GSE1: variants seen among roughly 807,000 people sequenced by gnomAD.
The protein encoded by GSE1 is genetic suppressor element 1.
In GSE1, 32 loss-of-function variants were observed where a neutral mutation model predicts 112.6. The ratio of observed to expected loss-of-function variants is 0.28; its 90% CI spans 0.21 to 0.38. The LOEUF (loss-of-function observed/expected upper bound fraction) is 0.38, where lower values mean the gene tolerates loss of function less well. Among genes scored for constraint, GSE1 ranks in the 10% least tolerant of loss-of-function variants. The pLI is 1.00. For missense variants in GSE1, 2,348 were observed against 1,699.2 expected, an observed-to-expected ratio of 1.38 and a Z score of -6.71; for synonymous variants, 1,115 against 735.6, an observed-to-expected ratio of 1.52 and a Z score of -8.35.
intron 1 of GSE1, chr16:85,357,447 C>A (rs2046973201): frequency 1.7e-6 from 2 of 1,204,718 alleles, no homozygotes; most frequent in Admixed American, 6.0e-5. Context: ...ACTGTGTCCA[C>A]CTCTTTTCCT....
chr16:85,479,908 T>C (rs2050618868), intron 2 of GSE1, among the ~76,000 whole-genome samples: 1 of 152,150 alleles, frequency 6.6e-6, no homozygotes, highest in Non-Finnish European at 1.5e-5. Flanking sequence ...CATCGAGGTT[T>C]GTTTTCTCCT....
chr16:85,494,355 C>T (rs1019010220), intron 2 of GSE1, among the ~76,000 whole-genome samples: 1 of 152,206 alleles, frequency 6.6e-6, no homozygotes, highest in Non-Finnish European at 1.5e-5. Context: ...TTGTAAGGAC[C>T]CCAGTCATGT....
rs2045833158 is a variant in GSE1, at chr16:85,311,174, G to A, written c.2284-46289G>A. On this transcript the variant is annotated intron_variant, in intron 1 of 2. Coordinates refer to the GSE1 transcript ENST00000637419. The surrounding 1 kb of genome is among the most constrained non-coding windows in gnomAD (Gnocchi z 4.2). ...CCCAAATTCCAGAGGCCCATCGGATGCCCCTGGTTCCCAGGGTGCCCCCAG... is the reference window on the plus strand; with the variant it reads ...CCCAAATTCCAGAGGCCCATCGGATACCCCTGGTTCCCAGGGTGCCCCCAG... Among the ~76,000 whole-genome samples, 1 of 152,174 alleles carries A rather than the reference G, an allele frequency of 6.6e-6. No individual in the cohort carries two copies. Among genetic ancestry groups the A allele is most frequent in the Non-Finnish European group, 1.5e-5 (1 of 68,012 alleles).
intron 15 of GSE1, 83 bp downstream of exon 15, chr16:85,671,181 A>G: frequency 1.3e-6 from 1 of 797,092 alleles, no homozygotes; most frequent in Non-Finnish European, 2.2e-6. Context: ...TAAGTTTCAG[A>G]GAGGAAATGT....
At chr16:85,574,065 C>G (rs1014630581) in intron 1 of GSE1, among the ~76,000 whole-genome samples, 3 of 151,798 alleles carry the variant, frequency 2.0e-5, no homozygotes, top group Non-Finnish European at 4.4e-5. Flanking sequence ...ACATGGCGGG[C>G]GGGGGCGCCA....
intron 2 of GSE1, among the ~76,000 whole-genome samples, chr16:85,468,312 CTTTTTTT>C (rs55873035): frequency 2.6e-5 from 3 of 116,730 alleles, no homozygotes; most frequent in African/African-American, 1.0e-4. Context: ...CCCTTCTTTC[CTTTTTTT>C]TTTTTTTTTT....
intron 2 of GSE1, among the ~76,000 whole-genome samples, chr16:85,504,586 G>C (rs2051475882): frequency 6.6e-6 from 1 of 152,190 alleles, no homozygotes; most frequent in Non-Finnish European, 1.5e-5. Flanking sequence ...GTGAGTGATT[G>C]CCACATAGTT....
intron 1 of GSE1, among the ~76,000 whole-genome samples, chr16:85,233,575 GTGAT>G (rs1025126041): frequency 6.6e-5 from 10 of 152,236 alleles, no homozygotes; most frequent in African/African-American, 1.9e-4. Context: ...TATGCGGTGT[GTGAT>G]ATGTGTCCAC....
rs149862213 is a variant in GSE1, at chr16:85,525,250, T to TCC, written c.2465-108656_2465-108655dup. Among the ~76,000 whole-genome samples, 357 of 150,332 alleles carry TCC rather than the reference T, an allele frequency of 2.4e-3. 1 individual carries two copies. Among genetic ancestry groups the TCC allele is most frequent in the African/African-American group, 5.0e-3 (203 of 40,998 alleles). On this transcript the variant is annotated intron_variant, in intron 2 of 2. Transcript: ENST00000637419. ...CAGCTGGGCTCCTCTGGCTCACTTG[T>TCC]CCCCCCCCCACTGATGGTGAGGTGA...
intron 2 of GSE1, among the ~76,000 whole-genome samples, chr16:85,550,933 G>A (rs1208703826): frequency 6.6e-6 from 1 of 152,230 alleles, no homozygotes; most frequent in Non-Finnish European, 1.5e-5. Context: ...AGATGAAGCA[G>A]TTTTCTCTCT....
intron 1 of GSE1, among the ~76,000 whole-genome samples, chr16:85,268,060 C>T (rs1027883465): frequency 2.0e-5 from 3 of 152,234 alleles, no homozygotes; most frequent in African/African-American, 4.8e-5. Context: ...GGCTTTGTCA[C>T]GGTTGGTAAG....
intron 1 of GSE1, among the ~76,000 whole-genome samples, chr16:85,187,650 A>C (rs962904848): frequency 6.6e-6 from 1 of 152,142 alleles, no homozygotes; most frequent in Non-Finnish European, 1.5e-5. Context: ...GGGTGTGCGG[A>C]CATCAGGCCT....
exon 1 of GSE1, chr16:85,170,705 A>G (rs1257686182): frequency 1.0e-6 from 1 of 985,692 alleles, no homozygotes; most frequent in African/African-American, 1.7e-5. Context: ...AAGCTGGCTC[A>G]GGCCCCGTTC....
Position 85,674,509 on chromosome 16 carries a change from A to G in GSE1, c.*1970A>G, listed in dbSNP as rs561787972. The G allele has an allele frequency of 3.0e-4, 45 of 152,046 alleles. No individual in the cohort carries two copies. Among genetic ancestry groups the G allele is most frequent in the African/African-American group, 1.1e-3 (45 of 41,452 alleles). 9.4% of individuals were successfully genotyped at this position (152,046 alleles called of 1,614,324 possible). ...CTACAAACTATCAGGGCAAAATCTCACTGGATTTCTCCACTGAAAACCTAC... is the reference window on the plus strand; with the variant it reads ...CTACAAACTATCAGGGCAAAATCTCGCTGGATTTCTCCACTGAAAACCTAC... On this transcript the variant is annotated 3_prime_UTR_variant, in exon 16 of 16. Coordinates refer to ENST00000253458, the MANE Select transcript of GSE1 (RefSeq NM_014615.5).
chr16:85,347,328 C>G (rs2046763734), intron 1 of GSE1, among the ~76,000 whole-genome samples: 2 of 152,156 alleles, frequency 1.3e-5, no homozygotes, highest in African/African-American at 4.8e-5. Flanking sequence ...ATGCCAAGGT[C>G]TCAGGGCCTC....
upstream of GSE1, chr16:85,554,840 C>G: frequency 2.0e-6 from 2 of 982,266 alleles, no homozygotes; most frequent in Non-Finnish European, 2.4e-6. Context: ...AGTTGGGCAG[C>G]CGGAGGGGGG....
Position 85,478,922 on chromosome 16 carries a change from T to TC in GSE1, c.2464+121280dup, listed in dbSNP as rs1567520872. Among the ~76,000 whole-genome samples the TC allele has an allele frequency of 5.7e-4, 29 of 51,156 alleles. 3 individuals carry two copies. The highest frequency in any genetic ancestry group is 3.1e-3 in the African/African-American group (26 of 8,484). The allele number at this position is 51,156 out of a possible 152,430, so 33.6% of individuals were successfully genotyped here. ...TTCTTTCTTTCTTTCTTTCTTTCTT[T>TC]CTTTCTCTTTCTTTCTTTCTTTCTT... On this transcript the variant is annotated intron_variant, in intron 2 of 2. Transcript: ENST00000637419.
intron 1 of GSE1, among the ~76,000 whole-genome samples, chr16:85,182,952 G>A (rs967703555): frequency 6.6e-6 from 1 of 152,012 alleles, no homozygotes; most frequent in African/African-American, 2.4e-5. Flanking sequence ...ACACTTGTAT[G>A]CGTACACGTT....
intron 2 of GSE1, among the ~76,000 whole-genome samples, chr16:85,429,869 A>ATG (rs1022484578): frequency 6.6e-6 from 1 of 152,052 alleles, no homozygotes; most frequent in African/African-American, 2.4e-5. Context: ...TTACTCATGG[A>ATG]TGTGTGTGTG....
Sources: allele counts gnomAD v4.1 joint callset (sites outside exome capture counted in the v4.1 genomes callset), GRCh38; gene constraint gnomAD v4.1.1; non-coding constraint Gnocchi (gnomAD v3.1); transcripts MANE v1.5; gene names NCBI Gene and HGNC (gene_info 2026-07-23, HGNC 2026-07-21).